ST7: variants seen among roughly 807,000 people sequenced by gnomAD.
ST7 encodes the protein suppressor of tumorigenicity 7 protein.
Under a neutral mutation model 78.7 loss-of-function variants are expected in ST7, and 28 were observed. The ratio of observed to expected loss-of-function variants is 0.36; its 90% confidence interval spans 0.26 to 0.49. The LOEUF (loss-of-function observed/expected upper bound fraction) is 0.49, where lower values mean the gene tolerates loss of function less well. Ranked by LOEUF, ST7 falls within the 20% of genes least tolerant of loss-of-function variation. The pLI, the probability that ST7 is intolerant of heterozygous loss-of-function variation, is 0.99. For missense variants in ST7, 418 were observed against 696.0 expected (o/e 0.60, Z 4.49); for synonymous variants, 247 against 249.6 (o/e 0.99, Z 0.10).
chr7:117,191,350 G>A (rs1398750287), intron 12 of ST7, among the ~76,000 whole-genome samples: 2 of 152,088 alleles, frequency 1.3e-5, no homozygotes, highest in African/African-American at 4.8e-5. Context: ...CTCTATAAAT[G>A]AATGATAGTA....
At chr7:117,124,800 G>C (rs1338070984) in intron 3 of ST7, among the ~76,000 whole-genome samples, 6 of 152,164 alleles carry the variant, frequency 3.9e-5, no homozygotes, top group African/African-American at 1.4e-4. Flanking sequence ...ATGAGGTCAT[G>C]TGGAAATGTC....
chr7:117,161,451 T>A (rs952588622), intron 9 of ST7, among the ~76,000 whole-genome samples: 3 of 151,972 alleles, frequency 2.0e-5, no homozygotes, highest in African/African-American at 7.2e-5. Context: ...ATTTATTTTT[T>A]TGTTCTTTTT....
At chr7:117,124,374 A>T (rs1439449447) in intron 3 of ST7, among the ~76,000 whole-genome samples, 1 of 152,124 alleles carries the variant, frequency 6.6e-6, no homozygotes, top group Non-Finnish European at 1.5e-5. Context: ...GAGGTATAGC[A>T]AGGTGAAGTA....
At chr7:116,979,461 A>G (rs772913377) in intron 1 of ST7, among the ~76,000 whole-genome samples, 2 of 152,088 alleles carry the variant, frequency 1.3e-5, no homozygotes, top group Non-Finnish European at 2.9e-5. Context: ...TGCATTTTCA[A>G]TTGCCTGTTG....
intron 1 of ST7, chr7:117,081,009 A>G (rs1203297777): frequency 2.6e-5 from 4 of 152,164 alleles, no homozygotes; most frequent in African/African-American, 9.7e-5. Context: ...TTTCTTGGAG[A>G]AAAAGGGTAT....
intron 9 of ST7, among the ~76,000 whole-genome samples, chr7:117,154,007 G>A (rs572667625): frequency 1.3e-5 from 2 of 152,276 alleles, no homozygotes; most frequent in South Asian, 4.1e-4. Context: ...ATGAAGTCCT[G>A]AGGAGTGCAG....
chr7:117,204,284 A>G (rs1791527029), intron 12 of ST7, among the ~76,000 whole-genome samples: 2 of 152,252 alleles, frequency 1.3e-5, no homozygotes, highest in African/African-American at 4.8e-5. Flanking sequence ...GCACGCTTAT[A>G]TGCCAGGTAC....
chr7:117,219,319 T>A lies in ST7; in HGVS notation c.1498+143T>A. On this transcript the variant is annotated intron_variant, in intron 14 of 15. Coordinates refer to ENST00000323984, the MANE Select transcript of ST7 (RefSeq NM_001369598.1). The surrounding 1 kb of genome is among the most constrained non-coding windows in gnomAD (Gnocchi z 5.1). ...TGTCCTTGTTTGATAGCATATGTATTAAAGTGAATTATGTGAGTGGGTTTG... is the reference window on the plus strand; with the variant it reads ...TGTCCTTGTTTGATAGCATATGTATAAAAGTGAATTATGTGAGTGGGTTTG... 2 of 673,564 alleles carry A rather than the reference T, an allele frequency of 3.0e-6. No individual in the cohort carries two copies. Among genetic ancestry groups the A allele is most frequent in the Non-Finnish European group, 5.0e-6 (2 of 396,130 alleles). 41.7% of individuals were successfully genotyped at this position (673,564 alleles called of 1,614,324 possible). A position where few individuals can be genotyped will look rare whatever the true frequency, so the allele number is the denominator to read the frequency against.
chr7:117,133,599 A>G (rs1804541586), intron 6 of ST7, among the ~76,000 whole-genome samples: 1 of 151,428 alleles, frequency 6.6e-6, no homozygotes, highest in Non-Finnish European at 1.5e-5. Context: ...CCTTTGTGAC[A>G]TGGGGACGGT....
chr7:117,062,108 G>A (rs946292992), intron 1 of ST7, among the ~76,000 whole-genome samples: 1 of 152,098 alleles, frequency 6.6e-6, no homozygotes, highest in Non-Finnish European at 1.5e-5. Flanking sequence ...ACAGGGTGAG[G>A]GGGGAAAGGT....
At chr7:117,198,603 T>C (rs1403937040) in intron 12 of ST7, 1 of 251,998 alleles carries the variant, frequency 4.0e-6, no homozygotes. Context: ...ATTCTTGTTC[T>C]GAGCCTGGTA....
chr7:117,172,761 G>A lies in ST7; in HGVS notation c.1078+1785G>A, dbSNP rs116215267. On this transcript the variant is annotated intron_variant, in intron 10 of 15. Transcript: ENST00000323984. Reference sequence around the variant, plus strand: ...GCACTTTTCCAAATGCCACTCTGTAGCCATCAATGCCATAGCAATCCTTAA... The same window carrying A: ...GCACTTTTCCAAATGCCACTCTGTAACCATCAATGCCATAGCAATCCTTAA... Among the ~76,000 whole-genome samples the A allele has an allele frequency of 1.4e-3, 218 of 152,312 alleles. 1 individual carries two copies. Among genetic ancestry groups the A allele is most frequent in the African/African-American group, 4.8e-3 (199 of 41,570 alleles).
chr7:117,017,857 A>G (rs533084132), intron 1 of ST7, among the ~76,000 whole-genome samples: 2 of 152,172 alleles, frequency 1.3e-5, no homozygotes, highest in African/African-American at 4.8e-5. Context: ...TCAGGCCTCC[A>G]CATAACAGAA....
chr7:117,117,773 C>T (rs1803003844), intron 2 of ST7: 1 of 152,090 alleles, frequency 6.6e-6, no homozygotes, highest in Non-Finnish European at 1.5e-5. Context: ...TTTTGAAAAC[C>T]AACTGCAGCA....
chr7:117,111,520 A>C (rs1339883820), intron 2 of ST7, among the ~76,000 whole-genome samples: 1 of 152,246 alleles, frequency 6.6e-6, no homozygotes, highest in Non-Finnish European at 1.5e-5. Context: ...ACTTAAAAAT[A>C]AACAGGTGTA....
At chr7:117,197,432 G>C (rs1227850843) in intron 12 of ST7, among the ~76,000 whole-genome samples, 9 of 152,170 alleles carry the variant, frequency 5.9e-5, no homozygotes, top group African/African-American at 2.2e-4. Flanking sequence ...TATTTCCTTA[G>C]GGTAGATTTA....
intron 1 of ST7, among the ~76,000 whole-genome samples, chr7:117,029,812 G>T (rs1170393923): frequency 7.3e-5 from 11 of 151,126 alleles, no homozygotes; most frequent in Non-Finnish European, 1.6e-4. Flanking sequence ...TTCTTGAAAA[G>T]ACTGTCATTT....
intron 1 of ST7, among the ~76,000 whole-genome samples, chr7:117,006,882 T>C (rs988374061): frequency 3.3e-5 from 5 of 152,336 alleles, no homozygotes; most frequent in African/African-American, 1.2e-4. Context: ...AGTATTGTAG[T>C]TGTTTTGGGG....
chr7:117,133,396 A>C (rs1331313379), intron 6 of ST7, among the ~76,000 whole-genome samples: 1 of 151,658 alleles, frequency 6.6e-6, no homozygotes, highest in Non-Finnish European at 1.5e-5. Context: ...GCTATCTTAC[A>C]TCTTTTTACC....
Sources: allele counts gnomAD v4.1 joint callset (sites outside exome capture counted in the v4.1 genomes callset), GRCh38; gene constraint gnomAD v4.1.1; non-coding constraint Gnocchi (gnomAD v3.1); transcripts MANE v1.5; gene names NCBI Gene and HGNC (gene_info 2026-07-23, HGNC 2026-07-21).